KIAA0753: variants seen among roughly 807,000 people sequenced by gnomAD.
The protein encoded by KIAA0753 is protein moonraker.
In KIAA0753, 114 loss-of-function variants were observed where a neutral mutation model predicts 116.9. That is an observed-to-expected ratio of 0.98 (90% CI 0.84 to 1.14). The LOEUF (loss-of-function observed/expected upper bound fraction) is 1.14, where lower values mean the gene tolerates loss of function less well. Among genes scored for constraint, KIAA0753 ranks in the 50% most tolerant of loss-of-function variants. The pLI is 0.00. For synonymous variants in KIAA0753, 405 were observed against 413.1 expected (o/e 0.98, Z 0.24); for missense variants, 1,156 against 1,172.4 (o/e 0.99, Z 0.20).
chr17:6,596,096 A>G, intron 15 of KIAA0753, 62 bp downstream of exon 15: 1 of 1,508,148 alleles, frequency 6.6e-7, no homozygotes, highest in Non-Finnish European at 9.1e-7. Context: ...GCATGAGGAG[A>G]AATTGCACTC....
In KIAA0753 at chr17:6,628,581, C is replaced by G; in HGVS notation, c.254G>C (p.Ser85Thr). The change falls in exon 3 of 19, where the codon AGT becomes ACT. Residue 85 changes from serine to threonine, a missense_variant. Transcript: ENST00000361413. ...GGATATGACGGAAAATGAAACAGAA[C>G]TGCCCAGGTCAGGACCAACTCTACA... ...ADCRVGPDLG[S>T]SVSFSVISQE... 1 of 1,614,202 alleles carries G rather than the reference C, an allele frequency of 6.2e-7. No homozygotes were observed. Among genetic ancestry groups the G allele is most frequent in the Non-Finnish European group, 8.5e-7 (1 of 1,180,026 alleles).
At chr17:6,596,107 G>A (rs757594044) in intron 15 of KIAA0753, 51 bp downstream of exon 15, 32 of 1,556,840 alleles carry the variant, frequency 2.1e-5, no homozygotes, top group East Asian at 1.4e-4. Context: ...AATTGCACTC[G>A]GCAGAGGCCA....
At chr17:6,617,013 C>T (rs1970979687) in intron 7 of KIAA0753, among the ~76,000 whole-genome samples, 2 of 152,126 alleles carry the variant, frequency 1.3e-5, no homozygotes, top group African/African-American at 4.8e-5. Flanking sequence ...ACACTGGTGT[C>T]CATTTTTCAC....
intron 7 of KIAA0753, 58 bp from the exon 8 acceptor site, chr17:6,612,206 G>A (rs916541880): frequency 1.6e-6 from 2 of 1,286,516 alleles, no homozygotes; most frequent in African/African-American, 2.9e-5. Context: ...TCAAATTGCT[G>A]AGAATGATTA....
chr17:6,589,842 T>C lies in KIAA0753; in HGVS notation c.2723A>G (p.Gln908Arg), dbSNP rs1251420486. 2.5e-5 allele frequency: 40 copies of C among 1,614,092 alleles called. No homozygotes were observed. The highest frequency in any genetic ancestry group is 3.1e-5 in the Non-Finnish European group (37 of 1,179,978). The change falls in exon 18 of 19, where the codon CAG becomes CGG. Residue 908 changes from glutamine to arginine, a missense_variant. By Grantham distance (43) the Gln-to-Arg change is conservative. Transcript: ENST00000361413. ...CTCATGAGATATGATCCGAAGGTACTGCTCAAAACGACTACAGTAGTCACC... is the reference window on the plus strand; with the variant it reads ...CTCATGAGATATGATCCGAAGGTACCGCTCAAAACGACTACAGTAGTCACC... ...SIGDYCSRFE[Q>R]YLRIISHEAV...
chr17:6,637,637 C>T (rs1972419778), intron 1 of KIAA0753: 1 of 152,580 alleles, frequency 6.6e-6, no homozygotes, highest in Non-Finnish European at 1.5e-5. Flanking sequence ...TGTCTGCCTC[C>T]CAACAAACCT....
At chr17:6,628,847 T>C (rs1971850236) in intron 2 of KIAA0753, 106 bp from the exon 3 acceptor site, 3 of 1,088,694 alleles carry the variant, frequency 2.8e-6, no homozygotes, top group South Asian at 3.3e-5. Context: ...AGATCATTAG[T>C]GCTAAGAGGC....
At chr17:6,592,813 C>CT (rs1279401473) in intron 16 of KIAA0753, among the ~76,000 whole-genome samples, 1 of 152,058 alleles carries the variant, frequency 6.6e-6, no homozygotes, top group Non-Finnish European at 1.5e-5. Context: ...TGATGTTAGA[C>CT]TTTATCAAAA....
chr17:6,623,249 TAA>T, intron 5 of KIAA0753, 152 bp from the exon 6 acceptor site: 2 of 827,784 alleles, frequency 2.4e-6, no homozygotes, highest in Admixed American at 2.9e-5. Flanking sequence ...TTGTAAAGTT[TAA>T]AGTTTTCTAG....
chr17:6,633,444 TA>T (rs1398001280), intron 2 of KIAA0753, among the ~76,000 whole-genome samples: 10 of 152,328 alleles, frequency 6.6e-5, no homozygotes, highest in Non-Finnish European at 1.5e-4. Context: ...AGCAGGAATG[TA>T]AAACGGTACC....
At chr17:6,625,685 A>C (rs552586255) in intron 3 of KIAA0753, among the ~76,000 whole-genome samples, 1 of 152,326 alleles carries the variant, frequency 6.6e-6, no homozygotes, top group South Asian at 2.1e-4. Context: ...AGAATTAAAA[A>C]AAAGAGAGAG....
chr17:6,615,366 G>A (rs537171184), intron 7 of KIAA0753, among the ~76,000 whole-genome samples: 4 of 152,164 alleles, frequency 2.6e-5, no homozygotes, highest in Admixed American at 2.0e-4. Flanking sequence ...ACTTGACTTC[G>A]TAATGGCCTC....
chr17:6,599,386 T>C, intron 13 of KIAA0753, 66 bp from the exon 14 acceptor site: 1 of 1,069,514 alleles, frequency 9.4e-7, no homozygotes, highest in South Asian at 1.3e-5. Flanking sequence ...TACAAATGAA[T>C]TCTATTACCA....
Position 6,611,956 on chromosome 17 carries a change from A to C in KIAA0753, c.1508T>G (p.Phe503Cys), listed in dbSNP as rs1970576440. The C allele has an allele frequency of 6.2e-7, 1 of 1,613,938 alleles. No homozygotes were observed. The highest frequency in any genetic ancestry group is 1.7e-5 in the Admixed American group (1 of 59,998). ...TGGCGCCAGAGTATCTTTCTTCCTA[A>C]ACGGCACATTCTCAGTCACAGGCTT... ...KKKPVTENVP[F>C]RKKDTLAPAR... The change falls in exon 8 of 19, where the codon TTT becomes TGT. Residue 503 changes from phenylalanine (F) to cysteine (C), a missense_variant. Phe to Cys is a radical substitution (Grantham distance 205, BLOSUM62 -2). Coordinates refer to ENST00000361413, the MANE Select transcript of KIAA0753 (RefSeq NM_014804.3).
chr17:6,602,019 G>T (rs1969907479), intron 12 of KIAA0753, among the ~76,000 whole-genome samples: 1 of 152,164 alleles, frequency 6.6e-6, no homozygotes, highest in African/African-American at 2.4e-5. Context: ...CACTAGAAAA[G>T]GTGCCCAACA....
chr17:6,622,684 G>A (rs1025225905), intron 6 of KIAA0753, among the ~76,000 whole-genome samples, 198 bp downstream of exon 6: 5 of 152,192 alleles, frequency 3.3e-5, no homozygotes, highest in African/African-American at 7.2e-5. Flanking sequence ...ACCAATTTTC[G>A]AAGCAGTGAA....
chr17:6,601,109 T>C (rs572016717), intron 12 of KIAA0753: 77 of 152,642 alleles, frequency 5.0e-4, no homozygotes, highest in African/African-American at 1.5e-3. Flanking sequence ...CAATTTGTAC[T>C]GCTGACTTAG....
At chr17:6,588,439 C>A (rs577261707) in intron 18 of KIAA0753, among the ~76,000 whole-genome samples, 25 of 152,052 alleles carry the variant, frequency 1.6e-4, no homozygotes, top group Non-Finnish European at 2.8e-4. Flanking sequence ...TGAAAACCAT[C>A]CAGGAGATCT....
intron 18 of KIAA0753, among the ~76,000 whole-genome samples, chr17:6,580,927 C>CACAT (rs1364867736): frequency 2.1e-5 from 3 of 144,558 alleles, no homozygotes; most frequent in African/African-American, 7.4e-5. Flanking sequence ...CACACACACA[C>CACAT]ACACCTTCAT....
Sources: gnomAD v4.1 joint callset for allele counts (sites outside exome capture counted in the v4.1 genomes callset) on GRCh38, gnomAD v4.1.1 for gene constraint, MANE v1.5 for transcripts, NCBI Gene and HGNC (gene_info 2026-07-23, HGNC 2026-07-21) for gene names.